SYNPO: variants seen among roughly 807,000 people sequenced by gnomAD.
SYNPO encodes the protein synaptopodin.
Under a neutral mutation model 49.5 loss-of-function variants are expected in SYNPO, and 19 were observed. The ratio of observed to expected loss-of-function variants is 0.38; its 90% CI spans 0.27 to 0.56. The LOEUF is 0.56. Ranked by LOEUF, SYNPO falls within the 20% of genes least tolerant of loss-of-function variation. The pLI, the probability that SYNPO is intolerant of heterozygous loss-of-function variation, is 0.68. For missense variants in SYNPO, 1,131 were observed against 1,248.3 expected, an observed-to-expected ratio of 0.91 and a Z score of 1.42; for synonymous variants, 536 against 548.0, an observed-to-expected ratio of 0.98 and a Z score of 0.31.
intron 1 of SYNPO, among the ~76,000 whole-genome samples, chr5:150,647,401 T>C (rs1377386841): frequency 6.6e-6 from 1 of 152,170 alleles, no homozygotes; most frequent in Admixed American, 6.5e-5. Context: ...GAAAGGTGCC[T>C]CCAGAGAGGG....
At chr5:150,599,708 G>A (rs551005852), upstream of SYNPO, among the ~76,000 whole-genome samples, 11 of 152,316 alleles carry the variant, frequency 7.2e-5, no homozygotes, top group African/African-American at 2.2e-4. Flanking sequence ...GGGGTCGGCG[G>A]TGGGGGCTTG....
chr5:150,650,538 A>G (rs939787186), intron 2 of SYNPO: 38 of 1,469,914 alleles, frequency 2.6e-5, no homozygotes, highest in Middle Eastern at 2.5e-4. Context: ...CCCTACTACA[A>G]CAGGGGTCGG....
At chr5:150,650,563 C>T (rs1394942667) in intron 2 of SYNPO, 28 of 1,459,308 alleles carry the variant, frequency 1.9e-5, no homozygotes, top group East Asian at 5.0e-5. Flanking sequence ...CATGTCTGAG[C>T]GGGGAGGAGG....
chr5:150,624,928 T>A, intron 2 of SYNPO: 1 of 985,506 alleles, frequency 1.0e-6, no homozygotes, highest in Non-Finnish European at 1.2e-6. Flanking sequence ...GGCGCTGGCC[T>A]GGCAGGGGTG....
At chr5:150,598,393 T>C (rs778915760), upstream of SYNPO, among the ~76,000 whole-genome samples, 19 of 152,186 alleles carry the variant, frequency 1.2e-4, no homozygotes, top group Non-Finnish European at 2.2e-4. Context: ...AGGCTGGAGG[T>C]AGCAGGTTAT....
At chr5:150,640,264 A>G, upstream of SYNPO, 1 of 727,052 alleles carries the variant, frequency 1.4e-6, no homozygotes, top group Non-Finnish European at 1.7e-6. Flanking sequence ...TAGGCCGGAA[A>G]TCTGAAGGAT....
At chr5:150,616,607 A>C (rs1756990105) in intron 1 of SYNPO, among the ~76,000 whole-genome samples, 1 of 152,138 alleles carries the variant, frequency 6.6e-6, no homozygotes, top group Non-Finnish European at 1.5e-5. Context: ...CCTATGTGGA[A>C]CCGCCCACTG....
chr5:150,606,487 T>C (rs930835813), intron 1 of SYNPO, among the ~76,000 whole-genome samples: 3 of 152,338 alleles, frequency 2.0e-5, no homozygotes, highest in Admixed American at 6.5e-5. Flanking sequence ...ACACAGTTCG[T>C]TTTTGGCTTC....
rs150201591 is a variant in SYNPO at position 150,642,182 on chromosome 5, C to T, written c.-333+1328C>T. On this transcript the variant is annotated intron_variant, in intron 1 of 2. Coordinates refer to ENST00000307662, the MANE Select transcript of SYNPO (RefSeq NM_007286.6). Reference sequence around the variant, plus strand: ...GGCTGCAGCAGGGGCTCAGTAGTGACAGCAGTCGTTGCAAAGCCCCTTCTC... The same window carrying T: ...GGCTGCAGCAGGGGCTCAGTAGTGATAGCAGTCGTTGCAAAGCCCCTTCTC... Among the ~76,000 whole-genome samples the T allele has an allele frequency of 3.3e-3, 505 of 152,372 alleles. 3 individuals are homozygous for T. Among genetic ancestry groups the T allele is most frequent in the Middle Eastern group, 0.01 (3 of 294 alleles).
intron 2 of SYNPO, among the ~76,000 whole-genome samples, chr5:150,620,640 CAGA>C (rs1177356716): frequency 6.6e-6 from 1 of 152,214 alleles, no homozygotes; most frequent in African/African-American, 2.4e-5. Context: ...ATGGAGAGGA[CAGA>C]AGAAGGCACT....
At chr5:150,640,556 G>A (rs76743733), upstream of SYNPO, 88 of 764,584 alleles carry the variant, frequency 1.2e-4, 2 homozygotes, top group East Asian at 8.2e-3. Context: ...AGTGGAGCCC[G>A]GAGGGAGGAA....
chr5:150,649,942 G>A lies in SYNPO; in HGVS notation c.1667G>A (p.Arg556His), dbSNP rs769984982. 12 of 1,612,136 alleles carry A rather than the reference G, an allele frequency of 7.4e-6. No homozygotes were observed. The highest frequency in any genetic ancestry group is 9.3e-6 in the Non-Finnish European group (11 of 1,179,968). Residue 556 changes from arginine (R) to histidine (H), a missense_variant, in exon 2 of 3, where the codon CGC becomes CAC. By Grantham distance (29) the Arg-to-His change is conservative. Coordinates refer to ENST00000307662, the MANE Select transcript of SYNPO (RefSeq NM_007286.6). ...TACCTGCCTGAGAACGGGGTCCTGCGCCCAGAGCCCACCAAGCAGCCGCCA... is the reference window on the plus strand; with the variant it reads ...TACCTGCCTGAGAACGGGGTCCTGCACCCAGAGCCCACCAAGCAGCCGCCA... ...HGYLPENGVLRPEPTKQPPYQ... is the reference protein window; with the variant it reads ...HGYLPENGVLHPEPTKQPPYQ...
intron 1 of SYNPO, chr5:150,617,532 G>A (rs1202008842): frequency 2.0e-5 from 3 of 152,194 alleles, no homozygotes; most frequent in African/African-American, 7.2e-5. Context: ...TTGACCTCAG[G>A]TGATCCACCC....
At chr5:150,654,069 CTGGCTTGGTTA>C (rs1268504321) in intron 2 of SYNPO, 1 of 152,162 alleles carries the variant, frequency 6.6e-6, no homozygotes, top group African/African-American at 2.4e-5. Context: ...GAGAGGATGA[CTGGCTTGGTTA>C]TGGCTGATCA....
chr5:150,594,454 A>G, the SYNPO span, among the ~76,000 whole-genome samples: 1 of 152,208 alleles, frequency 6.6e-6, no homozygotes. Flanking sequence ...AGTCTTCCCC[A>G]CAACCTACCA....
At chr5:150,590,773 C>T in the SYNPO span, among the ~76,000 whole-genome samples, 1 of 152,268 alleles carries the variant, frequency 6.6e-6, no homozygotes, top group South Asian at 2.1e-4. Flanking sequence ...CGGTGCCTGA[C>T]ACGTGAAGGG....
rs1758563082 is a variant in SYNPO at position 150,656,597 on chromosome 5, G to A, written c.2222G>A (p.Arg741Gln). ...SWSERSVSPL[R>Q]PETEARPPSR... ...AGCGAGCGCTCGGTGTCCCCGCTGC[G>A]ACCTGAGACCGAGGCGCGGCCCCCC... The change falls in exon 3 of 3, where the codon CGA becomes CAA. Residue 741 changes from arginine to glutamine, a missense_variant. Physicochemically the swap from Arg to Gln is conservative, Grantham distance 43. Around this residue, in one of 4 missense-constraint regions of SYNPO, gnomAD observed 509 missense variants for 484.5 expected, o/e 1.05. Coordinates refer to ENST00000307662, the MANE Select transcript of SYNPO (RefSeq NM_007286.6). 1 of 1,516,768 alleles carries A rather than the reference G, an allele frequency of 6.6e-7. No individual in the cohort carries two copies. The highest frequency in any genetic ancestry group is 8.8e-7 in the Non-Finnish European group (1 of 1,139,800). The allele number at this position is 1,516,768 out of a possible 1,614,324, so 94.0% of individuals were successfully genotyped here.
chr5:150,594,877 A>C, the SYNPO span, among the ~76,000 whole-genome samples: 1 of 152,152 alleles, frequency 6.6e-6, no homozygotes, highest in African/African-American at 2.4e-5. Context: ...ACCTCCATCA[A>C]CTGCCCCAGA....
At chr5:150,626,813 C>A (rs1474247129) in intron 2 of SYNPO, among the ~76,000 whole-genome samples, 27 of 152,164 alleles carry the variant, frequency 1.8e-4, no homozygotes, top group Non-Finnish European at 2.9e-5. Flanking sequence ...GGGAAGGAGG[C>A]AACAGAGCTC....
Sources: allele counts gnomAD v4.1 joint callset (sites outside exome capture counted in the v4.1 genomes callset), GRCh38; gene constraint gnomAD v4.1.1; regional missense constraint gnomAD v4.1.1; transcripts MANE v1.5; gene names NCBI Gene and HGNC (gene_info 2026-07-23, HGNC 2026-07-21).